Variants in ADHFE1 observed in about 807,000 individuals in gnomAD.
ADHFE1 encodes hydroxyacid-oxoacid transhydrogenase, mitochondrial.
A neutral mutation model predicts 54.8 loss-of-function variants in ADHFE1; 37 were observed. The observed-to-expected ratio is 0.68, with a 90% CI of 0.52 to 0.89. ADHFE1 has a LOEUF of 0.89. Among genes scored for constraint, ADHFE1 ranks in the 40% least tolerant of loss-of-function variants. The pLI, the probability that ADHFE1 is intolerant of heterozygous loss-of-function variation, is 0.00. For missense variants in ADHFE1, 601 were observed against 591.2 expected (o/e 1.02, Z -0.17); for synonymous variants, 203 against 229.3 (o/e 0.89, Z 1.04).
intron 8 of ADHFE1, among the ~76,000 whole-genome samples, chr8:66,450,617 A>C (rs1806251523): frequency 6.6e-6 from 1 of 152,240 alleles, no homozygotes; most frequent in African/African-American, 2.4e-5. Context: ...ATTTCTTGTC[A>C]TAAAGCATTA....
At chr8:66,438,848 A>C (rs1447306577) in intron 1 of ADHFE1, among the ~76,000 whole-genome samples, 1 of 137,436 alleles carries the variant, frequency 7.3e-6, no homozygotes, top group Non-Finnish European at 1.5e-5. Flanking sequence ...GAATTGAGAT[A>C]GCCTCAGAGC....
intron 10 of ADHFE1, among the ~76,000 whole-genome samples, chr8:66,454,366 G>A (rs542139166): frequency 1.3e-5 from 2 of 152,010 alleles, no homozygotes; most frequent in African/African-American, 4.8e-5. Flanking sequence ...TAAATTGAAT[G>A]TGGTTCCTAA....
intron 5 of ADHFE1, 143 bp downstream of exon 5, chr8:66,444,891 A>G (rs1805947630): frequency 4.0e-6 from 4 of 996,426 alleles, no homozygotes; most frequent in Non-Finnish European, 6.0e-6. Context: ...GCTTGAGGTC[A>G]GGAGTTCGAG....
intron 13 of ADHFE1, among the ~76,000 whole-genome samples, chr8:66,461,194 G>A (rs1294938066): frequency 6.6e-6 from 1 of 152,204 alleles, no homozygotes; most frequent in Non-Finnish European, 1.5e-5. Flanking sequence ...AGAGCTCAGA[G>A]CATGAGTGCT....
At chr8:66,438,158 A>G (rs1221605900) in intron 1 of ADHFE1, among the ~76,000 whole-genome samples, 2 of 152,184 alleles carry the variant, frequency 1.3e-5, no homozygotes, top group Non-Finnish European at 2.9e-5. Context: ...TGCCCCGACT[A>G]CAGTGTGGGG....
intron 9 of ADHFE1, among the ~76,000 whole-genome samples, chr8:66,453,207 T>C (rs1264393603): frequency 1.3e-5 from 2 of 152,148 alleles, no homozygotes; most frequent in East Asian, 3.9e-4. Context: ...GAAAGCTCCA[T>C]CACCTGCTAC....
chr8:66,455,249 C>G (rs1806519422), intron 10 of ADHFE1, among the ~76,000 whole-genome samples: 1 of 152,182 alleles, frequency 6.6e-6, no homozygotes, highest in African/African-American at 2.4e-5. Flanking sequence ...TTCCCACCTG[C>G]AGTGGGTGAA....
At chr8:66,455,244 A>C (rs1806518872) in intron 10 of ADHFE1, among the ~76,000 whole-genome samples, 1 of 152,070 alleles carries the variant, frequency 6.6e-6, no homozygotes, top group Non-Finnish European at 1.5e-5. Flanking sequence ...TTACATTCCC[A>C]CCTGCAGTGG....
intron 7 of ADHFE1, among the ~76,000 whole-genome samples, chr8:66,447,848 A>G (rs1361793665): frequency 1.3e-5 from 2 of 152,216 alleles, no homozygotes; most frequent in Non-Finnish European, 2.9e-5. Flanking sequence ...CTGTATACCA[A>G]TGATAAATGG....
chr8:66,433,458 G>A (rs1805306157), intron 1 of ADHFE1, among the ~76,000 whole-genome samples: 1 of 152,126 alleles, frequency 6.6e-6, no homozygotes, highest in South Asian at 2.1e-4. Flanking sequence ...CACTTTGAAT[G>A]GACTATCAGT....
chr8:66,444,541 G>A, intron 4 of ADHFE1, 53 bp from the exon 5 acceptor site: 1 of 1,610,368 alleles, frequency 6.2e-7, no homozygotes, highest in Non-Finnish European at 8.5e-7. Context: ...TTTGCCAGAA[G>A]AGTCTATTGC....
At position 66,439,326 on chromosome 8, in the gene ADHFE1, A is replaced by G; in HGVS notation, c.60-836A>G. On this transcript the variant is annotated intron_variant, in intron 1 of 13. Transcript: ENST00000396623. The surrounding 1 kb of genome is among the most constrained non-coding windows in gnomAD (Gnocchi z 4.4). ...ACAAGGTCTTCTGGGCAACCCAACG[A>G]AACATAAAACCGTCTTCCCAGCCTC... is the stretch of plus-strand genomic sequence containing the variant. 2 of 985,608 alleles carry G rather than the reference A, an allele frequency of 2.0e-6. No individual in the cohort carries two copies. Among genetic ancestry groups the G allele is most frequent in the Non-Finnish European group, 2.4e-6 (2 of 830,080 alleles). The allele number at this position is 985,608 out of a possible 1,614,324, so 61.1% of individuals were successfully genotyped here.
intron 1 of ADHFE1, among the ~76,000 whole-genome samples, chr8:66,438,950 T>C (rs1213397294): frequency 6.6e-6 from 1 of 151,942 alleles, no homozygotes; most frequent in Non-Finnish European, 1.5e-5. Context: ...AGTTTGGATT[T>C]TTTTTTCCTT....
chr8:66,455,141 T>C (rs1806510713), intron 10 of ADHFE1, among the ~76,000 whole-genome samples: 1 of 152,228 alleles, frequency 6.6e-6, no homozygotes, highest in African/African-American at 2.4e-5. Flanking sequence ...TCTCTTGTTA[T>C]ATAGGTAGGA....
rs149047204 is a variant in ADHFE1, at chr8:66,460,363, G to T, written c.1218G>T (p.Thr406=). 3.1e-6 allele frequency: 5 copies of T among 1,614,166 alleles called. No individual in the cohort carries two copies. In the South Asian group the frequency reaches 3.3e-5, roughly 11 times the overall value. The part of the protein sequence containing the change: ...IQDAGLVLAD[T]LRKFLFDLDV... ...ATGCAGGGCTGGTGTTGGCAGACAC[G>T]CTCCGGAAATTCTTATTCGATCTGG... The change falls in exon 13 of 14, where the codon ACG becomes ACT. Residue 406 remains threonine (T), a synonymous_variant. Coordinates refer to ENST00000396623, the MANE Select transcript of ADHFE1 (RefSeq NM_144650.3).
Position 66,440,196 on chromosome 8 carries a change from CA to C in ADHFE1, c.96del (p.Ala33ProfsTer32). The C allele has an allele frequency of 6.2e-7, 1 of 1,611,826 alleles. No individual in the cohort carries two copies. Among genetic ancestry groups the C allele is most frequent in the Non-Finnish European group, 8.5e-7 (1 of 1,179,338 alleles). ...CCCAACTCATTCTCATACTTACTCC[CA>C]AGGTAATACTTCTGTATTTTTAAAC... is the stretch of plus-strand genomic sequence containing the variant. ...QCPTHSHTYS[Q>X]APGLSPSGKT... On this transcript the variant is annotated frameshift_variant and splice_region_variant, in exon 2 of 14. Coordinates refer to ENST00000396623, the MANE Select transcript of ADHFE1 (RefSeq NM_144650.3). LOFTEE classifies it high-confidence loss of function.
intron 13 of ADHFE1, among the ~76,000 whole-genome samples, chr8:66,462,958 A>G (rs571391628): frequency 1.2e-3 from 177 of 152,296 alleles, no homozygotes; most frequent in Non-Finnish European, 1.9e-3. Context: ...AGTAGCTGGT[A>G]TTACAGGCAC....
intron 1 of ADHFE1, among the ~76,000 whole-genome samples, chr8:66,437,707 G>A (rs114602429): frequency 6.6e-6 from 1 of 152,180 alleles, no homozygotes; most frequent in East Asian, 1.9e-4. Context: ...CTAGCCACAG[G>A]GGATAAAGTT....
At chr8:66,445,477 T>A in intron 6 of ADHFE1, 63 bp downstream of exon 6, 1 of 1,463,410 alleles carries the variant, frequency 6.8e-7, no homozygotes, top group Non-Finnish European at 9.2e-7. Flanking sequence ...TTAAGAAAGA[T>A]GCAAGCCAGT....
Sources: gnomAD v4.1 joint callset for allele counts (sites outside exome capture counted in the v4.1 genomes callset) on GRCh38, gnomAD v4.1.1 for gene constraint, Gnocchi (gnomAD v3.1) non-coding constraint, MANE v1.5 for transcripts, NCBI Gene and HGNC (gene_info 2026-07-23, HGNC 2026-07-21) for gene names.